BICRAL: variants seen among roughly 807,000 people sequenced by gnomAD.
The protein encoded by BICRAL is BRD4-interacting chromatin-remodeling complex-associated protein-like.
BICRAL carries 8 observed loss-of-function variants against 91.8 expected under a neutral mutation model. That is an observed-to-expected ratio of 0.09 (90% confidence interval 0.05 to 0.16). The LOEUF (loss-of-function observed/expected upper bound fraction) is 0.16. BICRAL is among the 10% of genes least tolerant of loss of function. The pLI, the probability that BICRAL is intolerant of heterozygous loss-of-function variation, is 1.00. For synonymous variants in BICRAL, 445 were observed against 491.1 expected (o/e 0.91, Z 1.24); for missense variants, 1,038 against 1,310.9 (o/e 0.79, Z 3.21).
At chr6:42,839,772 T>C (rs1358605824) in intron 6 of BICRAL, among the ~76,000 whole-genome samples, 2 of 152,232 alleles carry the variant, frequency 1.3e-5, no homozygotes, top group Non-Finnish European at 2.9e-5. Flanking sequence ...TTGTCCCAAA[T>C]TTGATCAATG....
At chr6:42,794,411 CTGTGTGTG>C (rs67384767) in intron 1 of BICRAL, among the ~76,000 whole-genome samples, 1,869 of 146,482 alleles carry the variant, frequency 0.013, 44 homozygotes, top group African/African-American at 0.043. Context: ...TTCACTTACT[CTGTGTGTG>C]TGTGTGTGTG....
intron 1 of BICRAL, among the ~76,000 whole-genome samples, chr6:42,794,953 C>T (rs990446898): frequency 7.2e-6 from 1 of 138,944 alleles, no homozygotes; most frequent in East Asian, 2.1e-4. Flanking sequence ...AAGAGCAAAA[C>T]GCCATCTCAA....
chr6:42,840,866 G>A (rs1764774710), intron 6 of BICRAL, among the ~76,000 whole-genome samples: 1 of 151,648 alleles, frequency 6.6e-6, no homozygotes, highest in South Asian at 2.1e-4. Flanking sequence ...TTGAGGTCAG[G>A]AGTTCAAGAC....
intron 1 of BICRAL, chr6:42,747,057 G>A (rs1762288616): frequency 6.6e-6 from 1 of 152,348 alleles, no homozygotes; most frequent in Non-Finnish European, 1.5e-5. Flanking sequence ...GTGGCTCTCT[G>A]GGGCGGTCGG....
chr6:42,812,611 TAC>T (rs1763872001), intron 2 of BICRAL, among the ~76,000 whole-genome samples: 1 of 152,156 alleles, frequency 6.6e-6, no homozygotes, highest in South Asian at 2.1e-4. Flanking sequence ...AGATGAAAAC[TAC>T]AGTGTTTTAA....
At chr6:42,772,365 G>A (rs747522788) in intron 1 of BICRAL, among the ~76,000 whole-genome samples, 1 of 152,142 alleles carries the variant, frequency 6.6e-6, no homozygotes, top group Non-Finnish European at 1.5e-5. Context: ...AGAGGAGGTG[G>A]CATTGGAGCT....
At chr6:42,784,339 G>A (rs1763039239) in intron 1 of BICRAL, among the ~76,000 whole-genome samples, 1 of 152,124 alleles carries the variant, frequency 6.6e-6, no homozygotes, top group South Asian at 2.1e-4. Context: ...TTATTGAAAA[G>A]AGGAGGGGAA....
intron 1 of BICRAL, among the ~76,000 whole-genome samples, chr6:42,790,523 A>G (rs1482383864): frequency 7.3e-6 from 1 of 137,308 alleles, no homozygotes; most frequent in Admixed American, 7.6e-5. Flanking sequence ...AGTATGTAGC[A>G]CCCCCCCCCC....
intron 2 of BICRAL, among the ~76,000 whole-genome samples, chr6:42,812,449 T>G (rs1429099424): frequency 6.6e-6 from 1 of 152,064 alleles, no homozygotes; most frequent in Non-Finnish European, 1.5e-5. Flanking sequence ...TTGTTTAAGT[T>G]GTTACTATCT....
intron 1 of BICRAL, among the ~76,000 whole-genome samples, chr6:42,807,253 G>C (rs1249425418): frequency 6.6e-6 from 1 of 151,772 alleles, no homozygotes; most frequent in African/African-American, 2.4e-5. Flanking sequence ...GCTTGATCTA[G>C]GCTCACTGCA....
chr6:42,833,298 T>C (rs1198890322), intron 6 of BICRAL, among the ~76,000 whole-genome samples: 1 of 152,270 alleles, frequency 6.6e-6, no homozygotes, highest in East Asian at 1.9e-4. Context: ...TCCACCTGCT[T>C]CAGCCTCCCA....
intron 12 of BICRAL, 48 bp downstream of exon 12, chr6:42,862,660 A>C: frequency 2.7e-6 from 3 of 1,111,078 alleles, no homozygotes; most frequent in Non-Finnish European, 4.2e-6. Context: ...GCCATGGTTC[A>C]GGGACCATGG....
chr6:42,851,131 G>A (rs1765164411), intron 6 of BICRAL, among the ~76,000 whole-genome samples: 1 of 152,198 alleles, frequency 6.6e-6, no homozygotes, highest in East Asian at 1.9e-4. Flanking sequence ...GTTGCAGTGA[G>A]TCGAGATCGT....
chr6:42,794,676 C>T (rs1204692461), intron 1 of BICRAL, among the ~76,000 whole-genome samples: 1 of 151,642 alleles, frequency 6.6e-6, no homozygotes, highest in Non-Finnish European at 1.5e-5. Context: ...TGGCTGGGCA[C>T]AGTGGCTCAC....
At chr6:42,848,085 C>T (rs779868255) in intron 6 of BICRAL, among the ~76,000 whole-genome samples, 10 of 151,652 alleles carry the variant, frequency 6.6e-5, no homozygotes, top group South Asian at 2.1e-4. Context: ...GCCAAGATTG[C>T]GCCACTGCAC....
At chr6:42,847,728 TCCTGA>T (rs1183362232) in intron 6 of BICRAL, among the ~76,000 whole-genome samples, 2 of 152,036 alleles carry the variant, frequency 1.3e-5, no homozygotes, top group Non-Finnish European at 2.9e-5. Context: ...TTCGAGACCA[TCCTGA>T]CCAACATGGT....
intron 1 of BICRAL, among the ~76,000 whole-genome samples, chr6:42,803,825 A>G (rs907857388): frequency 6.6e-6 from 1 of 152,180 alleles, no homozygotes; most frequent in African/African-American, 2.4e-5. Flanking sequence ...ACACAAACCT[A>G]GATGATCTAG....
chr6:42,758,443 A>G (rs147217107), intron 1 of BICRAL, among the ~76,000 whole-genome samples: 3 of 152,118 alleles, frequency 2.0e-5, no homozygotes, highest in Admixed American at 6.6e-5. Context: ...CACCCAGCAC[A>G]CTGTGTCTGT....
At chr6:42,839,433 C>A (rs999548979) in intron 6 of BICRAL, among the ~76,000 whole-genome samples, 1 of 151,992 alleles carries the variant, frequency 6.6e-6, no homozygotes, top group Non-Finnish European at 1.5e-5. Context: ...TGTGACCTAC[C>A]AGGCCCGGCC....
Sources: gnomAD v4.1 joint callset for allele counts (sites outside exome capture counted in the v4.1 genomes callset) on GRCh38, gnomAD v4.1.1 for gene constraint, MANE v1.5 for transcripts, NCBI Gene and HGNC (gene_info 2026-07-23, HGNC 2026-07-21) for gene names.